Variants in DDO observed in about 807,000 individuals in gnomAD.
DDO encodes D-aspartate oxidase, DDO.
In DDO, 16 loss-of-function variants were observed where a neutral mutation model predicts 16.8. That is an observed-to-expected ratio of 0.95 (90% confidence interval 0.65 to 1.45). The LOEUF is 1.45. Among genes scored for constraint, DDO ranks in the 40% most tolerant of loss-of-function variants. The pLI is 0.00. For missense variants in DDO, 429 were observed against 420.3 expected (o/e 1.02, Z -0.18); for synonymous variants, 180 against 167.2 (o/e 1.08, Z -0.59).
At chr6:110,394,258 C>T (rs1334879836) in intron 4 of DDO, among the ~76,000 whole-genome samples, 2 of 152,104 alleles carry the variant, frequency 1.3e-5, no homozygotes, top group East Asian at 3.9e-4. Flanking sequence ...GTGTGTGCCA[C>T]CATGCCCGGC....
At chr6:110,394,522 C>T (rs919853585) in intron 4 of DDO, among the ~76,000 whole-genome samples, 14 of 152,208 alleles carry the variant, frequency 9.2e-5, no homozygotes, top group Admixed American at 3.9e-4. Flanking sequence ...CTATCAGCAG[C>T]TCTGTTCAAT....
chr6:110,408,487 T>A (rs77107488), intron 2 of DDO, 45 bp from the exon 3 acceptor site: 6 of 1,562,796 alleles, frequency 3.8e-6, no homozygotes, highest in African/African-American at 1.4e-5. Context: ...AGGAAAATGA[T>A]GATAATGACA....
Position 110,392,863 on chromosome 6 carries a change from A to T in DDO, c.938T>A (p.Val313Glu). 2 of 1,614,120 alleles carry T rather than the reference A, an allele frequency of 1.2e-6. No homozygotes were observed. Among genetic ancestry groups the T allele is most frequent in the Non-Finnish European group, 1.7e-6 (2 of 1,180,012 alleles). Residue 313 changes from valine to glutamate, a missense_variant, in exon 5 of 5, where the codon GTG (valine) becomes GAG (glutamate). Coordinates refer to ENST00000368924, the MANE Select transcript of DDO (RefSeq NM_001372108.2). ...GGCCTCCAGAGCAGTGCCCCAGTGC[A>T]CTGAGATGCCCCCACTCCCATGGCC... ...HYGHGSGGIS[V>E]HWGTALEAAR...
chr6:110,409,295 C>A (rs1458806019), intron 2 of DDO, among the ~76,000 whole-genome samples: 1 of 152,196 alleles, frequency 6.6e-6, no homozygotes, highest in Non-Finnish European at 1.5e-5. Flanking sequence ...ACAAATCCAG[C>A]TGTGGTTGAA....
chr6:110,402,709 C>T (rs1773521778), intron 4 of DDO, among the ~76,000 whole-genome samples: 1 of 152,076 alleles, frequency 6.6e-6, no homozygotes, highest in Non-Finnish European at 1.5e-5. Flanking sequence ...AAAAAGAAAG[C>T]GAAAATAATG....
chr6:110,405,532 G>A (rs531388858), intron 3 of DDO, among the ~76,000 whole-genome samples: 27 of 152,260 alleles, frequency 1.8e-4, no homozygotes, highest in African/African-American at 6.3e-4. Context: ...CCTAGATTTG[G>A]TTGTTAACAA....
At chr6:110,403,684 T>C (rs1328140659) in intron 4 of DDO, among the ~76,000 whole-genome samples, 1 of 152,228 alleles carries the variant, frequency 6.6e-6, no homozygotes, top group African/African-American at 2.4e-5. Flanking sequence ...GACATGTGCC[T>C]AGCAGATCTA....
chr6:110,394,248 G>C (rs1295681031), intron 4 of DDO, among the ~76,000 whole-genome samples: 1 of 152,062 alleles, frequency 6.6e-6, no homozygotes, highest in East Asian at 1.9e-4. Flanking sequence ...GAGACCACAG[G>C]TGTGTGCCAC....
Position 110,413,370 on chromosome 6 carries a change from A to C in DDO, c.93T>G (p.Val31=). ...CISKLVPRCS[V]TIISDKFTPD... ...GAGTAAACTTGTCTGAAATGATGGT[A>C]ACGGAGCATCGGGGCACCAGTTTGG... Residue 31 remains valine, a synonymous_variant, in exon 2 of 5, where the codon GTT becomes GTG. Coordinates refer to ENST00000368924, the MANE Select transcript of DDO (RefSeq NM_001372108.2). The C allele has an allele frequency of 6.2e-7, 1 of 1,614,116 alleles. No individual in the cohort carries two copies. The highest frequency in any genetic ancestry group is 1.1e-5 in the South Asian group (1 of 91,074).
chr6:110,407,494 A>G (rs1337161095), intron 3 of DDO, among the ~76,000 whole-genome samples: 1 of 151,982 alleles, frequency 6.6e-6, no homozygotes, highest in Non-Finnish European at 1.5e-5. Flanking sequence ...CTAGCAAAAA[A>G]CCCCAGTGGG....
At chr6:110,389,330 A>G (rs1023843349), downstream of DDO, among the ~76,000 whole-genome samples, 2 of 152,216 alleles carry the variant, frequency 1.3e-5, no homozygotes, top group African/African-American at 2.4e-5. Context: ...ACAGCAGATC[A>G]TGGGATTTCT....
In DDO at chr6:110,413,475, A is replaced by G; in HGVS notation, c.-4-9T>C. 6.2e-7 allele frequency: 1 copy of G among 1,611,710 alleles called. No homozygotes were observed. On this transcript the variant is annotated splice_polypyrimidine_tract_variant and intron_variant, in intron 1 of 4. Coordinates refer to ENST00000368924, the MANE Select transcript of DDO (RefSeq NM_001372108.2). ...GTGCTGTGTCCATGAGCCTGTGAGGAGGGAAATGGGAGCTATACCCCTTGT... is the reference window on the plus strand; with the variant it reads ...GTGCTGTGTCCATGAGCCTGTGAGGGGGGAAATGGGAGCTATACCCCTTGT...
At chr6:110,398,404 A>ACC (rs1453536997) in intron 4 of DDO, among the ~76,000 whole-genome samples, 5 of 148,186 alleles carry the variant, frequency 3.4e-5, no homozygotes, top group Admixed American at 6.6e-5. Context: ...ACACACACAC[A>ACC]CACACACACA....
chr6:110,395,861 CT>C (rs1760368660), intron 4 of DDO, among the ~76,000 whole-genome samples: 1 of 152,080 alleles, frequency 6.6e-6, no homozygotes, highest in Non-Finnish European at 1.5e-5. Context: ...CCTTCTGATG[CT>C]GGATTGCATT....
intron 3 of DDO, among the ~76,000 whole-genome samples, chr6:110,407,183 G>A (rs1284743193): frequency 6.6e-6 from 1 of 152,186 alleles, no homozygotes; most frequent in Non-Finnish European, 1.5e-5. Context: ...TCTGGACATG[G>A]CTGTTTCCAA....
intron 1 of DDO, 81 bp from the exon 2 acceptor site, chr6:110,413,547 T>C (rs1773938978): frequency 6.9e-7 from 1 of 1,457,430 alleles, no homozygotes; most frequent in Non-Finnish European, 9.4e-7. Flanking sequence ...GACAGTTTTT[T>C]CCTTAGGTCT....
In DDO at chr6:110,404,896, C is replaced by T. The variant is rs758490306; in HGVS notation, c.336G>A (p.Val112=). The change falls in exon 4 of 5, where the codon GTG becomes GTA. Residue 112 remains valine (V), a synonymous_variant. Coordinates refer to ENST00000368924, the MANE Select transcript of DDO (RefSeq NM_001372108.2). ...CAGTCATCTTTCGAAATCCCAGAAC[C>T]ACGTCAGCCCAGAATGGCACTTCTT... ...PTEEVPFWAD[V]VLGFRKMTEA... 1 of 1,614,196 alleles carries T rather than the reference C, an allele frequency of 6.2e-7. No individual in the cohort carries two copies. The highest frequency in any genetic ancestry group is 8.5e-7 in the Non-Finnish European group (1 of 1,180,042).
chr6:110,407,531 G>A (rs1399512980), intron 3 of DDO, among the ~76,000 whole-genome samples: 13 of 152,024 alleles, frequency 8.6e-5, no homozygotes, highest in Non-Finnish European at 1.5e-5. Context: ...GAGGAGATAA[G>A]ACACATTTTT....
At position 110,396,340 on chromosome 6, in the gene DDO, T is replaced by C. The variant is rs559406373; in HGVS notation, c.459-2998A>G. Among the ~76,000 whole-genome samples the C allele has an allele frequency of 1.9e-4, 29 of 152,352 alleles. No individual in the cohort carries two copies. In the Middle Eastern group the frequency reaches 0.024, roughly 125 times the overall value. On this transcript the variant is annotated intron_variant, in intron 4 of 4. Transcript: ENST00000368924. ...ACCTCTGGATTAGACTCACTGATTATTCAACAAGTATTTGTTGAGGGCTTG... is the reference window on the plus strand; with the variant it reads ...ACCTCTGGATTAGACTCACTGATTACTCAACAAGTATTTGTTGAGGGCTTG...
Sources: gnomAD v4.1 joint callset for allele counts (sites outside exome capture counted in the v4.1 genomes callset) on GRCh38, gnomAD v4.1.1 for gene constraint, MANE v1.5 for transcripts, NCBI Gene and HGNC (gene_info 2026-07-23, HGNC 2026-07-21) for gene names.